SLC8A3: variants seen among roughly 807,000 people sequenced by gnomAD.
The protein encoded by SLC8A3 is sodium/calcium exchanger 3.
SLC8A3 carries 37 observed loss-of-function variants against 65.4 expected under a neutral mutation model. The ratio of observed to expected loss-of-function variants is 0.57; its 90% CI spans 0.44 to 0.74. The LOEUF (loss-of-function observed/expected upper bound fraction) is 0.74. Among genes scored for constraint, SLC8A3 ranks in the 30% least tolerant of loss-of-function variants. SLC8A3 has a pLI of 0.00. For missense variants in SLC8A3, 1,112 were observed against 1,172.1 expected (o/e 0.95, Z 0.75); for synonymous variants, 461 against 444.5 (o/e 1.04, Z -0.47).
rs753874716 is a variant in SLC8A3 at position 70,063,852 on chromosome 14, G to A, written c.1785-2913C>T. 4.6e-5 allele frequency: 74 copies of A among 1,609,622 alleles called. 1 individual carries two copies. Among genetic ancestry groups the A allele is most frequent in the Non-Finnish European group, 6.0e-5 (71 of 1,176,378 alleles). ...CTGAAAACTCATATCCACCATGCGG[G>A]GGCCCATCATCTCAATGAAGTAATT... On this transcript the variant is annotated intron_variant, in intron 2 of 6. Transcript: ENST00000356921.
chr14:70,052,712 T>C (rs1887645869), intron 3 of SLC8A3, among the ~76,000 whole-genome samples: 1 of 152,236 alleles, frequency 6.6e-6, no homozygotes. Flanking sequence ...AATCTTTTTA[T>C]TCCCCTTTAA....
At chr14:70,068,759 C>T (rs1889715256) in intron 2 of SLC8A3, among the ~76,000 whole-genome samples, 1 of 152,124 alleles carries the variant, frequency 6.6e-6, no homozygotes, top group African/African-American at 2.4e-5. Context: ...GACACAGTCT[C>T]ACTCTGTCTC....
Position 70,154,076 on chromosome 14 carries a change from C to T in SLC8A3, c.1784+12563G>A, listed in dbSNP as rs1291474132. The stretch of plus-strand genomic sequence containing the variant: ...GCTGGGCATTAAGGACTTTATTTGG[C>T]CCTTGCCAAACTCCCTGGGCCCAGT... On this transcript the variant is annotated intron_variant, in intron 2 of 6. Coordinates refer to ENST00000356921, the MANE Select transcript of SLC8A3 (RefSeq NM_182932.3). Among the ~76,000 whole-genome samples, 4 of 152,210 alleles carry T rather than the reference C, an allele frequency of 2.6e-5. No homozygotes were observed. In the South Asian group the frequency reaches 8.3e-4, roughly 32 times the overall value.
At chr14:70,076,731 T>C (rs927441458) in intron 2 of SLC8A3, among the ~76,000 whole-genome samples, 3 of 152,178 alleles carry the variant, frequency 2.0e-5, no homozygotes, top group South Asian at 2.1e-4. Context: ...TGCATGAAAA[T>C]AGTCATCTTG....
intron 1 of SLC8A3, among the ~76,000 whole-genome samples, chr14:70,174,662 G>GTTTTTTTTTTT (rs10527244): frequency 7.4e-4 from 49 of 66,504 alleles, no homozygotes; most frequent in African/African-American, 2.1e-3. Context: ...TTTTTTTTTT[G>GTTTTTTTTTTT]TTTTTTTTTT....
In SLC8A3 at chr14:70,167,708, A is replaced by C. The variant is rs1177916911; in HGVS notation, c.715T>G (p.Phe239Val). The C allele has an allele frequency of 6.2e-7, 1 of 1,614,084 alleles. No individual in the cohort carries two copies. Among genetic ancestry groups the C allele is most frequent in the African/African-American group, 1.3e-5 (1 of 74,934 alleles). The part of the protein sequence containing the change: ...VQVWEGLLTL[F>V]FFPVCVLLAW... ...AGAAGGACACACACTGGAAAGAAGA[A>C]GAGAGTGAGGAGGCCTTCCCAAACC... is the stretch of plus-strand genomic sequence containing the variant. The change falls in exon 2 of 7, where the codon TTC becomes GTC. Residue 239 changes from phenylalanine (F) to valine (V), a missense_variant. Phe to Val is a conservative substitution (Grantham distance 50). Transcript: ENST00000356921.
At chr14:70,176,174 C>A (rs1897899093) in intron 1 of SLC8A3, among the ~76,000 whole-genome samples, 1 of 152,222 alleles carries the variant, frequency 6.6e-6, no homozygotes, top group Admixed American at 6.5e-5. Flanking sequence ...CTCTCCAAAT[C>A]CTTGACAGAT....
chr14:70,130,578 A>G (rs1161180546), intron 2 of SLC8A3, among the ~76,000 whole-genome samples: 1 of 152,244 alleles, frequency 6.6e-6, no homozygotes, highest in African/African-American at 2.4e-5. Context: ...ATTGACCTGC[A>G]TGTTAAGGCA....
chr14:70,148,969 C>T (rs1370986250), intron 2 of SLC8A3, among the ~76,000 whole-genome samples: 1 of 152,166 alleles, frequency 6.6e-6, no homozygotes, highest in Non-Finnish European at 1.5e-5. Flanking sequence ...AAGGGCTCTG[C>T]ACAACTCAAG....
chr14:70,112,388 G>A (rs896807444), intron 2 of SLC8A3, among the ~76,000 whole-genome samples: 2 of 152,186 alleles, frequency 1.3e-5, no homozygotes, highest in African/African-American at 4.8e-5. Flanking sequence ...CAGTCATTGA[G>A]GGGACGTACT....
At chr14:70,090,247 G>C (rs1326117350) in intron 2 of SLC8A3, among the ~76,000 whole-genome samples, 5 of 152,142 alleles carry the variant, frequency 3.3e-5, no homozygotes, top group African/African-American at 1.2e-4. Flanking sequence ...ATTCTTGCTT[G>C]ATCTCCCTCC....
At chr14:70,071,735 T>C (rs1188151385) in intron 2 of SLC8A3, among the ~76,000 whole-genome samples, 2 of 152,182 alleles carry the variant, frequency 1.3e-5, no homozygotes, top group African/African-American at 4.8e-5. Flanking sequence ...TGCGAGATAA[T>C]AAATGGGTAT....
intron 3 of SLC8A3, among the ~76,000 whole-genome samples, chr14:70,053,868 C>T (rs558195334): frequency 4.5e-4 from 69 of 152,274 alleles, no homozygotes; most frequent in African/African-American, 1.5e-3. Flanking sequence ...TCTAGTTTCT[C>T]GGTTTGGCAA....
chr14:70,091,548 T>C (rs1306537704), intron 2 of SLC8A3, among the ~76,000 whole-genome samples: 1 of 152,218 alleles, frequency 6.6e-6, no homozygotes, highest in Non-Finnish European at 1.5e-5. Context: ...GTTTCAATCT[T>C]TCAATGTCTA....
At chr14:70,171,626 C>T (rs1295105541) in intron 1 of SLC8A3, among the ~76,000 whole-genome samples, 3 of 152,052 alleles carry the variant, frequency 2.0e-5, no homozygotes, top group Non-Finnish European at 2.9e-5. Flanking sequence ...CATGGCAAAA[C>T]CCCATCTCTA....
chr14:70,148,499 A>G (rs1423983906), intron 2 of SLC8A3, among the ~76,000 whole-genome samples: 1 of 152,194 alleles, frequency 6.6e-6, no homozygotes, highest in Non-Finnish European at 1.5e-5. Flanking sequence ...GCCCTAACAC[A>G]AAGGAAGTCT....
At chr14:70,131,929 G>C (rs1894856364) in intron 2 of SLC8A3, among the ~76,000 whole-genome samples, 1 of 152,188 alleles carries the variant, frequency 6.6e-6, no homozygotes, top group South Asian at 2.1e-4. Flanking sequence ...CTTTAACTGG[G>C]AGGAGGACAG....
chr14:70,078,364 T>C (rs1038224909), intron 2 of SLC8A3, among the ~76,000 whole-genome samples: 2 of 152,242 alleles, frequency 1.3e-5, no homozygotes, highest in Admixed American at 1.3e-4. Flanking sequence ...ATTAGGGTAC[T>C]GTATCATTAT....
chr14:70,045,982 T>A lies in SLC8A3; in HGVS notation c.2731A>T (p.Thr911Ser). The A allele has an allele frequency of 6.2e-7, 1 of 1,605,606 alleles. No individual in the cohort carries two copies. Among genetic ancestry groups the A allele is most frequent in the East Asian group, 2.2e-5 (1 of 44,644 alleles). The change falls in exon 7 of 7, where the codon ACA becomes TCA. Residue 911 changes from threonine (T) to serine (S), a missense_variant. Transcript: ENST00000356921. ...TTGATGTAGCAATAGGCCTCTAGTG[T>A]GGCAAAGAGTATGTAGAGGAGCCAC... ...SLWLLYILFA[T>S]LEAYCYIKGF
Sources: gnomAD v4.1 joint callset for allele counts (sites outside exome capture counted in the v4.1 genomes callset) on GRCh38, gnomAD v4.1.1 for gene constraint, MANE v1.5 for transcripts, NCBI Gene and HGNC (gene_info 2026-07-23, HGNC 2026-07-21) for gene names.